Variants in AGPAT4 observed in about 807,000 individuals in gnomAD.
AGPAT4 encodes the protein 1-acyl-sn-glycerol-3-phosphate acyltransferase delta.
Under a neutral mutation model 48.0 loss-of-function variants are expected in AGPAT4, and 15 were observed. That is an observed-to-expected ratio of 0.31 (90% CI 0.21 to 0.48). AGPAT4 has a LOEUF of 0.48. Among genes scored for constraint, AGPAT4 ranks in the 20% least tolerant of loss-of-function variants. The pLI, the probability that AGPAT4 is intolerant of heterozygous loss-of-function variation, is 0.99. For missense variants in AGPAT4, 314 were observed against 482.5 expected (o/e 0.65, Z 3.27); for synonymous variants, 178 against 198.7 (o/e 0.90, Z 0.88).
In AGPAT4 at chr6:161,165,434, G is replaced by T. The variant is rs1780066499; in HGVS notation, c.348+814C>A. The T allele has an allele frequency of 1.2e-5, 4 of 333,130 alleles. No individual in the cohort carries two copies. The highest frequency in any genetic ancestry group is 2.0e-5 in the Non-Finnish European group (4 of 197,662). The allele number at this position is 333,130 out of a possible 1,614,324, so 20.6% of individuals were successfully genotyped here. ...TTCAGGGGCTACCAAAAAGCAAGGT[G>T]ATTTCAGCAGCCCCCGTATCTGTTC... On this transcript the variant is annotated intron_variant, in intron 3 of 8. Transcript: ENST00000320285. The surrounding 1 kb of genome is among the most constrained non-coding windows in gnomAD (Gnocchi z 5.5).
At position 161,154,004 on chromosome 6, in the gene AGPAT4, AGGTTATACACAGCCCTAT is replaced by A. The variant is rs1466741159; in HGVS notation, c.510+127_510+144del. The A allele has an allele frequency of 7.5e-6, 8 of 1,061,644 alleles. No individual in the cohort carries two copies. In the East Asian group the frequency reaches 2.1e-4, roughly 28 times the overall value. 65.8% of individuals were successfully genotyped at this position (1,061,644 alleles called of 1,614,324 possible). On this transcript the variant is annotated intron_variant, in intron 4 of 8. Coordinates refer to ENST00000320285, the MANE Select transcript of AGPAT4 (RefSeq NM_020133.3). This position sits in a 1 kb window ranked among gnomAD's most constrained non-coding sequence, Gnocchi z 7.8. ...GGCCCCATGGTCACATACATCCCTG[AGGTTATACACAGCCCTAT>A]GGTCACACACAGCCCTGGAGTCGCA...
rs1163035937 is a variant in AGPAT4 at position 161,219,938 on chromosome 6, G to A, written c.178+12098C>T. 0.026 allele frequency among the ~76,000 whole-genome samples: 3,724 copies of A among 145,398 alleles called. 153 individuals carry two copies. Among genetic ancestry groups the A allele is most frequent in the African/African-American group, 0.089 (3,207 of 36,064 alleles). On this transcript the variant is annotated intron_variant, in intron 2 of 8. Transcript: ENST00000320285. This position sits in a 1 kb window ranked among gnomAD's most constrained non-coding sequence, Gnocchi z 4.9. ...AGGCGGCAGGCAGGCAGGCAGGCAG[G>A]CAGGCAGGCAGACAGACAGACAGAC... is the stretch of plus-strand genomic sequence containing the variant.
Position 161,240,324 on chromosome 6 carries a change from A to G in AGPAT4, c.-89-8022T>C, listed in dbSNP as rs1422167487. On this transcript the variant is annotated intron_variant, in intron 1 of 8. Coordinates refer to ENST00000320285, the MANE Select transcript of AGPAT4 (RefSeq NM_020133.3). This position sits in a 1 kb window ranked among gnomAD's most constrained non-coding sequence, Gnocchi z 5.5. ...CTGGGTTCAAGACTACAGCTTCAGC[A>G]TCTTTATCCTTAGGAAGAAACTGAC... Among the ~76,000 whole-genome samples, 1 of 152,064 alleles carries G rather than the reference A, an allele frequency of 6.6e-6. No individual in the cohort carries two copies. Among genetic ancestry groups the G allele is most frequent in the African/African-American group, 2.4e-5 (1 of 41,408 alleles).
rs757928481 is a variant in AGPAT4 at position 161,144,252 on chromosome 6, G to A, written c.843+2272C>T. On this transcript the variant is annotated intron_variant, in intron 7 of 8. Coordinates refer to ENST00000320285, the MANE Select transcript of AGPAT4 (RefSeq NM_020133.3). This position sits in a 1 kb window ranked among gnomAD's most constrained non-coding sequence, Gnocchi z 6.6. ...CAGACACATACTGCTTAGAGAACTC[G>A]GTGTCGCCCCAGCCCTGCACGGAGA... is the stretch of plus-strand genomic sequence containing the variant. 1.2e-5 allele frequency: 6 copies of A among 510,110 alleles called. No homozygotes were observed. Among genetic ancestry groups the A allele is most frequent in the African/African-American group, 5.8e-5 (3 of 51,366 alleles). The allele number at this position is 510,110 out of a possible 1,614,324, so 31.6% of individuals were successfully genotyped here.
intron 1 of AGPAT4, among the ~76,000 whole-genome samples, chr6:161,247,795 C>A (rs973472871): frequency 1.3e-5 from 2 of 151,898 alleles, no homozygotes; most frequent in Non-Finnish European, 2.9e-5. Flanking sequence ...CCAGCCTGAA[C>A]AACATGGTGA....
rs1363659759 is a variant in AGPAT4 at position 161,142,777 on chromosome 6, C to T, written c.844-3157G>A. 2.0e-5 allele frequency among the ~76,000 whole-genome samples: 3 copies of T among 152,172 alleles called. No homozygotes were observed. The highest frequency in any genetic ancestry group is 1.5e-5 in the Non-Finnish European group (1 of 68,030). Reference sequence around the variant, plus strand: ...GGGGAGAGGCTCTGTGAGAAGCGCTCGCAAGCCTTGGTCTCAGCCCGCAGA... The same window carrying T: ...GGGGAGAGGCTCTGTGAGAAGCGCTTGCAAGCCTTGGTCTCAGCCCGCAGA... On this transcript the variant is annotated intron_variant, in intron 7 of 8. Coordinates refer to ENST00000320285, the MANE Select transcript of AGPAT4 (RefSeq NM_020133.3). The surrounding 1 kb of genome is among the most constrained non-coding windows in gnomAD (Gnocchi z 6.4).
rs1203154895 is a variant in AGPAT4 at position 161,144,768 on chromosome 6, T to C, written c.843+1756A>G. 6.6e-6 allele frequency among the ~76,000 whole-genome samples: 1 copy of C among 152,076 alleles called. No individual in the cohort carries two copies. The highest frequency in any genetic ancestry group is 6.5e-5 in the Admixed American group (1 of 15,272). ...CCGAGGAGGGCAGATCACAAGACCT[T>C]GTGAGATCGAGACCATCCTGGCAAA... On this transcript the variant is annotated intron_variant, in intron 7 of 8. Transcript: ENST00000320285. The surrounding 1 kb of genome is among the most constrained non-coding windows in gnomAD (Gnocchi z 6.6).
intron 2 of AGPAT4, among the ~76,000 whole-genome samples, chr6:161,191,085 A>T (rs1274343252): frequency 6.6e-6 from 1 of 152,234 alleles, no homozygotes; most frequent in Non-Finnish European, 1.5e-5. Context: ...TAATCATTTG[A>T]TTCCAAATAT....
Position 161,232,315 on chromosome 6 carries a change from C to A in AGPAT4, c.-89-13G>T. The stretch of plus-strand genomic sequence containing the variant: ...CTCAGGAAGGCGTCTAAAACACAAA[C>A]AAATAGGAAATGTTAGCAAAAACAC... On this transcript the variant is annotated splice_polypyrimidine_tract_variant and intron_variant, in intron 1 of 8. Coordinates refer to ENST00000320285, the MANE Select transcript of AGPAT4 (RefSeq NM_020133.3). This position sits in a 1 kb window ranked among gnomAD's most constrained non-coding sequence, Gnocchi z 6.8. 2 of 1,173,740 alleles carry A rather than the reference C, an allele frequency of 1.7e-6. No homozygotes were observed. Among genetic ancestry groups the A allele is most frequent in the African/African-American group, 1.5e-5 (1 of 64,694 alleles). 72.7% of individuals were successfully genotyped at this position (1,173,740 alleles called of 1,614,324 possible).
intron 1 of AGPAT4, among the ~76,000 whole-genome samples, chr6:161,268,228 T>C (rs1783320236): frequency 6.6e-6 from 1 of 152,238 alleles, no homozygotes. Flanking sequence ...CAGGCTGTCA[T>C]CATTCTTGCA....
At position 161,136,094 on chromosome 6, in the gene AGPAT4, ATT is replaced by A. The variant is rs958650685; in HGVS notation, c.*444_*445del. 5.9e-6 allele frequency: 1 copy of A among 169,742 alleles called. No homozygotes were observed. Among genetic ancestry groups the A allele is most frequent in the East Asian group, 1.8e-4 (1 of 5,706 alleles). 10.5% of individuals were successfully genotyped at this position (169,742 alleles called of 1,614,324 possible). ...ACAGATGACCCAGAAAAGCACTTTA[ATT>A]TTTTTTTCTTGGAGGCATAATTTAG... On this transcript the variant is annotated 3_prime_UTR_variant, in exon 9 of 9. Coordinates refer to ENST00000320285, the MANE Select transcript of AGPAT4 (RefSeq NM_020133.3).
Position 161,131,656 on chromosome 6 carries a change from A to G in AGPAT4, c.*4884T>C, listed in dbSNP as rs1330221374. On this transcript the variant is annotated 3_prime_UTR_variant, in exon 9 of 9. Transcript: ENST00000320285. ...TCAGAGAGATGGGACTCCAATGAGGAGACACACTATGTAGGTGCAATTTCT... is the reference window on the plus strand; with the variant it reads ...TCAGAGAGATGGGACTCCAATGAGGGGACACACTATGTAGGTGCAATTTCT... The G allele has an allele frequency of 6.6e-6, 1 of 152,206 alleles. No individual in the cohort carries two copies. The highest frequency in any genetic ancestry group is 2.4e-5 in the African/African-American group (1 of 41,456). The allele number at this position is 152,206 out of a possible 1,614,324, so 9.4% of individuals were successfully genotyped here.
rs1177112484 is a variant in AGPAT4, at chr6:161,238,553, G to A, written c.-89-6251C>T. ...CATTCTAACCTATACTTTTCTGCTA[G>A]TGACTCAGAAATGGGAAATAATGCA... is the stretch of plus-strand genomic sequence containing the variant. On this transcript the variant is annotated intron_variant, in intron 1 of 8. Coordinates refer to ENST00000320285, the MANE Select transcript of AGPAT4 (RefSeq NM_020133.3). This position sits in a 1 kb window ranked among gnomAD's most constrained non-coding sequence, Gnocchi z 5.2. Among the ~76,000 whole-genome samples the A allele has an allele frequency of 6.6e-6, 1 of 152,204 alleles. No individual in the cohort carries two copies. Among genetic ancestry groups the A allele is most frequent in the Non-Finnish European group, 1.5e-5 (1 of 68,038 alleles).
chr6:161,228,675 A>AAAAAAAAAAAAAAAAAAACAC (rs1782047986), intron 2 of AGPAT4, among the ~76,000 whole-genome samples: 1 of 150,806 alleles, frequency 6.6e-6, no homozygotes, highest in Admixed American at 6.6e-5. Flanking sequence ...AAAAAAAAAA[A>AAAAAAAAAAAAAAAAAAACAC]AAGCCAGTCT....
At chr6:161,209,837 T>C (rs377430306) in intron 2 of AGPAT4, among the ~76,000 whole-genome samples, 76 of 152,296 alleles carry the variant, frequency 5.0e-4, no homozygotes, top group African/African-American at 1.8e-3. Flanking sequence ...CCAGGCAGGA[T>C]GTGATGAAGA....
At position 161,241,416 on chromosome 6, in the gene AGPAT4, TACTTA is replaced by T. The variant is rs539090361; in HGVS notation, c.-89-9119_-89-9115del. ...CAAACTCTGAAGAAACCATAAATCA[TACTTA>T]ACTTTTTCACTATGTCCTCTAATAA... On this transcript the variant is annotated intron_variant, in intron 1 of 8. Transcript: ENST00000320285. Among the ~76,000 whole-genome samples, 9 of 152,320 alleles carry T rather than the reference TACTTA, an allele frequency of 5.9e-5. No homozygotes were observed. In the East Asian group the frequency reaches 1.7e-3, roughly 29 times the overall value.
In AGPAT4 at chr6:161,141,602, G is replaced by T. The variant is rs969970420; in HGVS notation, c.844-1982C>A. Among the ~76,000 whole-genome samples the T allele has an allele frequency of 6.6e-6, 1 of 151,828 alleles. No individual in the cohort carries two copies. Among genetic ancestry groups the T allele is most frequent in the Non-Finnish European group, 1.5e-5 (1 of 67,964 alleles). On this transcript the variant is annotated intron_variant, in intron 7 of 8. Transcript: ENST00000320285. The surrounding 1 kb of genome is among the most constrained non-coding windows in gnomAD (Gnocchi z 6.7). ...CTTGTTTTTTTTTAAAAAAAAAACA[G>T]CTTTCTTAAGATGTCACTTACATGC...
Position 161,136,366 on chromosome 6 carries a change from A to G in AGPAT4, c.*174T>C, listed in dbSNP as rs1368602268. The G allele has an allele frequency of 1.5e-5, 9 of 607,894 alleles. No individual in the cohort carries two copies. Among genetic ancestry groups the G allele is most frequent in the Non-Finnish European group, 2.3e-5 (8 of 343,118 alleles). 37.7% of individuals were successfully genotyped at this position (607,894 alleles called of 1,614,324 possible). A position where few individuals can be genotyped will look rare whatever the true frequency, so the allele number is the denominator to read the frequency against. On this transcript the variant is annotated 3_prime_UTR_variant, in exon 9 of 9. Coordinates refer to ENST00000320285, the MANE Select transcript of AGPAT4 (RefSeq NM_020133.3). ...AGCACATGGGGAAAAAAAGATTACA[A>G]AACATCTTCCTCCCCATCCGGCCTT...
At position 161,154,677 on chromosome 6, in the gene AGPAT4, G is replaced by A. The variant is rs371551794; in HGVS notation, c.349-367C>T. 1.4e-4 allele frequency among the ~76,000 whole-genome samples: 21 copies of A among 152,318 alleles called. No individual in the cohort carries two copies. Among genetic ancestry groups the A allele is most frequent in the African/African-American group, 3.8e-4 (16 of 41,578 alleles). ...CCGTCACATACTCGCTAAGCCCACCGTGCAGCTGTGTGACACTAATTTGTG... is the reference window on the plus strand; with the variant it reads ...CCGTCACATACTCGCTAAGCCCACCATGCAGCTGTGTGACACTAATTTGTG... On this transcript the variant is annotated intron_variant, in intron 3 of 8. Transcript: ENST00000320285. The surrounding 1 kb of genome is among the most constrained non-coding windows in gnomAD (Gnocchi z 7.8).
Sources: allele counts gnomAD v4.1 joint callset (sites outside exome capture counted in the v4.1 genomes callset), GRCh38; gene constraint gnomAD v4.1.1; non-coding constraint Gnocchi (gnomAD v3.1); transcripts MANE v1.5; gene names NCBI Gene and HGNC (gene_info 2026-07-23, HGNC 2026-07-21).